The following BRD7 variants were observed in gnomAD, a reference collection of about 807,000 sequenced individuals.
BRD7 encodes the protein bromodomain-containing protein 7.
Under a neutral mutation model 82.1 loss-of-function variants are expected in BRD7, and 15 were observed. The ratio of observed to expected loss-of-function variants is 0.18; its 90% confidence interval spans 0.12 to 0.28. The LOEUF (loss-of-function observed/expected upper bound fraction) is 0.28. Among genes scored for constraint, BRD7 ranks in the 10% least tolerant of loss-of-function variants. BRD7 has a pLI of 1.00. For missense variants in BRD7, 638 were observed against 779.9 expected, an observed-to-expected ratio of 0.82 and a Z score of 2.17; for synonymous variants, 232 against 266.9, an observed-to-expected ratio of 0.87 and a Z score of 1.27.
intron 6 of BRD7, among the ~76,000 whole-genome samples, chr16:50,335,286 A>C (rs945656976): frequency 3.9e-5 from 6 of 152,228 alleles, no homozygotes; most frequent in East Asian, 1.9e-4. Flanking sequence ...GGTGTATCAA[A>C]GCCTAGGGCA....
At chr16:50,337,342 C>T (rs1292518391) in intron 6 of BRD7, among the ~76,000 whole-genome samples, 1 of 148,438 alleles carries the variant, frequency 6.7e-6, no homozygotes, top group Non-Finnish European at 1.5e-5. Context: ...CTCACCACAA[C>T]CTCCACCTCC....
intron 5 of BRD7, among the ~76,000 whole-genome samples, chr16:50,345,297 C>T (rs543856969): frequency 5.3e-5 from 8 of 152,306 alleles, no homozygotes; most frequent in African/African-American, 1.9e-4. Context: ...ATAACCAGTA[C>T]CAGCCACTGC....
At position 50,338,228 on chromosome 16, in the gene BRD7, A is replaced by T. The variant is rs533298127; in HGVS notation, c.702+1748T>A. Among the ~76,000 whole-genome samples the T allele has an allele frequency of 1.8e-4, 27 of 152,344 alleles. No homozygotes were observed. The South Asian group carries it at 4.8e-3, about 27-fold the overall frequency. ...GAGAGTCTTCCTGCAAAGAATGGGT[A>T]AACATTTCATATTCCTCTTTCCTCT... On this transcript the variant is annotated intron_variant, in intron 6 of 16. Transcript: ENST00000394688.
At chr16:50,357,802 G>A (rs753722382) in intron 2 of BRD7, among the ~76,000 whole-genome samples, 3 of 152,046 alleles carry the variant, frequency 2.0e-5, no homozygotes, top group Non-Finnish European at 4.4e-5. Flanking sequence ...CCAACAAAGC[G>A]AAACTCCATC....
chr16:50,321,208 T>C (rs1173703925), intron 13 of BRD7, among the ~76,000 whole-genome samples: 1 of 152,064 alleles, frequency 6.6e-6, no homozygotes, highest in African/African-American at 2.4e-5. Flanking sequence ...ACTTCCCGGG[T>C]CTTCTCCAGG....
chr16:50,337,762 A>G (rs2037873695), intron 6 of BRD7, among the ~76,000 whole-genome samples: 1 of 152,138 alleles, frequency 6.6e-6, no homozygotes, highest in African/African-American at 2.4e-5. Context: ...AAAAGGTCTA[A>G]ATTTAAACGT....
At chr16:50,337,250 A>ATTC (rs1221290434) in intron 6 of BRD7, among the ~76,000 whole-genome samples, 2 of 134,786 alleles carry the variant, frequency 1.5e-5, no homozygotes, top group Non-Finnish European at 3.1e-5. Flanking sequence ...TCATCTGTTC[A>ATTC]TTCTTCTTTT....
chr16:50,321,566 C>CAAAAAA (rs60824563), intron 13 of BRD7, among the ~76,000 whole-genome samples: 24 of 67,444 alleles, frequency 3.6e-4, no homozygotes, highest in African/African-American at 1.3e-3. Flanking sequence ...GACTCCATCT[C>CAAAAAA]AAAAAAAAAA....
chr16:50,318,196 C>CAAACA lies in BRD7; in HGVS notation c.*1010_*1014dup, dbSNP rs1555527882. 6.6e-6 allele frequency: 1 copy of CAAACA among 152,154 alleles called. No homozygotes were observed. Among genetic ancestry groups the CAAACA allele is most frequent in the African/African-American group, 2.4e-5 (1 of 41,432 alleles). 9.4% of individuals were successfully genotyped at this position (152,154 alleles called of 1,614,324 possible). ...ACTCACTAGAGATTAAAAGTAGACT[C>CAAACA]AAACAACTTGAAAATTTGACTCTTT... On this transcript the variant is annotated 3_prime_UTR_variant, in exon 17 of 17. Coordinates refer to ENST00000394688, the MANE Select transcript of BRD7 (RefSeq NM_013263.5).
rs117326167 is a variant in BRD7 at position 50,331,511 on chromosome 16, G to C, written c.1011+2063C>G. ...GAGTTCAGGAGTTTGAGACCTGCCTGGGCAATATGGTGAAACCTCATTTCT... is the reference window on the plus strand; with the variant it reads ...GAGTTCAGGAGTTTGAGACCTGCCTCGGCAATATGGTGAAACCTCATTTCT... On this transcript the variant is annotated intron_variant, in intron 8 of 16. Transcript: ENST00000394688. Among the ~76,000 whole-genome samples, 495 of 152,282 alleles carry C rather than the reference G, an allele frequency of 3.3e-3. 12 individuals are homozygous for C. The East Asian group carries it at 0.037, about 11-fold the overall frequency.
At chr16:50,322,091 C>A in intron 12 of BRD7, 53 bp from the exon 13 acceptor site, 2 of 1,398,194 alleles carry the variant, frequency 1.4e-6, no homozygotes, top group African/African-American at 1.5e-5. Flanking sequence ...AGGCGAATAT[C>A]AAGGAAAAGA....
At chr16:50,341,928 T>TCACACACACACACACACACA (rs375793137) in intron 5 of BRD7, among the ~76,000 whole-genome samples, 2 of 143,552 alleles carry the variant, frequency 1.4e-5, no homozygotes, top group African/African-American at 5.2e-5. Context: ...TGCACACTTT[T>TCACACACACACACACACACA]CACACACACA....
At chr16:50,346,994 C>T (rs1389776608) in intron 5 of BRD7, among the ~76,000 whole-genome samples, 5 of 152,118 alleles carry the variant, frequency 3.3e-5, no homozygotes, top group East Asian at 1.9e-4. Flanking sequence ...TGATGAACAT[C>T]GATGCAAAAA....
chr16:50,368,433 A>G (rs2151220521), intron 1 of BRD7, 135 bp from the exon 2 acceptor site: 1 of 992,410 alleles, frequency 1.0e-6, no homozygotes, highest in African/African-American at 1.6e-5. Flanking sequence ...CACCTGTTGA[A>G]TGACGGACCC....
At position 50,334,752 on chromosome 16, in the gene BRD7, G is replaced by A. The variant is rs1062348; in HGVS notation, c.846C>T (p.Ala282=). 214,513 of 1,612,936 alleles carry A rather than the reference G, an allele frequency of 0.13. 17,977 individuals carry two copies. The highest frequency in any genetic ancestry group is 0.45 in the East Asian group (20,227 of 44,810). The change falls in exon 7 of 17, where the codon GCC becomes GCT. Residue 282 remains alanine (A), a synonymous_variant. Transcript: ENST00000394688. ...WQREREDSGD[A]EAHAFKSPSK... ...TGGGACTCTTGAAGGCGTGTGCTTCGGCATCTCCAGAGTCCTCTCTCTCTC... is the reference window on the plus strand; with the variant it reads ...TGGGACTCTTGAAGGCGTGTGCTTCAGCATCTCCAGAGTCCTCTCTCTCTC...
chr16:50,336,066 T>C (rs886094973), intron 6 of BRD7, among the ~76,000 whole-genome samples: 12 of 152,234 alleles, frequency 7.9e-5, no homozygotes, highest in Admixed American at 6.5e-4. Flanking sequence ...ATTGGAATTA[T>C]ACTGAATATT....
At chr16:50,349,597 T>C (rs886884687) in intron 5 of BRD7, 1 of 470,744 alleles carries the variant, frequency 2.1e-6, no homozygotes. Context: ...GCTCTTTTCT[T>C]CATAAATTAC....
chr16:50,356,065 C>G (rs2038719547), intron 2 of BRD7, among the ~76,000 whole-genome samples: 1 of 152,196 alleles, frequency 6.6e-6, no homozygotes, highest in Non-Finnish European at 1.5e-5. Flanking sequence ...TGAGAACTAG[C>G]TCAAGCTCCC....
intron 2 of BRD7, among the ~76,000 whole-genome samples, chr16:50,356,556 G>A (rs1410457700): frequency 6.6e-6 from 1 of 152,016 alleles, no homozygotes; most frequent in East Asian, 1.9e-4. Context: ...AAATGTGTAA[G>A]CATACATTGT....
Sources: allele counts gnomAD v4.1 joint callset (sites outside exome capture counted in the v4.1 genomes callset), GRCh38; gene constraint gnomAD v4.1.1; transcripts MANE v1.5; gene names NCBI Gene and HGNC (gene_info 2026-07-23, HGNC 2026-07-21).